Variants in AGBL1 observed in about 807,000 individuals in gnomAD.
The protein encoded by AGBL1 is AGBL carboxypeptidase 1.
AGBL1 carries 130 observed loss-of-function variants against 118.9 expected under a neutral mutation model. That is an observed-to-expected ratio of 1.09 (90% CI 0.95 to 1.26). The LOEUF is 1.26. Among genes scored for constraint, AGBL1 ranks in the 50% most tolerant of loss-of-function variants. The pLI, the probability that AGBL1 is intolerant of heterozygous loss-of-function variation, is 0.00. For missense variants in AGBL1, 1,584 were observed against 1,298.1 expected (o/e 1.22, Z -3.38); for synonymous variants, 555 against 478.9 (o/e 1.16, Z -2.08).
chr15:86,550,460 C>A (rs2083648938), intron 20 of AGBL1, among the ~76,000 whole-genome samples: 1 of 151,790 alleles, frequency 6.6e-6, no homozygotes, highest in African/African-American at 2.4e-5. Flanking sequence ...CAAATGGTAA[C>A]CATAATAAAG....
chr15:87,004,092 T>C (rs1397549514), intron 24 of AGBL1, among the ~76,000 whole-genome samples: 4 of 152,224 alleles, frequency 2.6e-5, no homozygotes, highest in Non-Finnish European at 5.9e-5. Flanking sequence ...TGCTTTCTCT[T>C]GTGGGCATTT....
At position 86,821,638 on chromosome 15, in the gene AGBL1, T is replaced by C. The variant is rs537553901; in HGVS notation, c.3159-85449T>C. On this transcript the variant is annotated intron_variant, in intron 22 of 22. Coordinates refer to ENST00000614907, the MANE Select transcript of AGBL1 (RefSeq NM_001386094.1). The stretch of plus-strand genomic sequence containing the variant: ...TTTATGTAATGGCCATAGATGTCAA[T>C]GGATAGTGTAAACATGCCAATAATG... Among the ~76,000 whole-genome samples the C allele has an allele frequency of 4.2e-3, 646 of 152,322 alleles. 6 individuals carry two copies. Among genetic ancestry groups the C allele is most frequent in the Non-Finnish European group, 7.1e-3 (480 of 68,030 alleles).
chr15:86,097,805 A>G (rs182336097), intron 1 of AGBL1, among the ~76,000 whole-genome samples: 4 of 152,160 alleles, frequency 2.6e-5, no homozygotes, highest in East Asian at 3.9e-4. Flanking sequence ...TCTTTGATAT[A>G]TAGATTTTCT....
chr15:86,526,571 TATAC>T lies in AGBL1; in HGVS notation c.2685+3634_2685+3637del, dbSNP rs1400942680. Among the ~76,000 whole-genome samples, 240 of 119,172 alleles carry T rather than the reference TATAC, an allele frequency of 2.0e-3. 1 individual carries two copies. In the Middle Eastern group the frequency reaches 0.023, roughly 11 times the overall value. The allele number at this position is 119,172 out of a possible 152,430, so 78.2% of individuals were successfully genotyped here. The stretch of plus-strand genomic sequence containing the variant: ...ATATATATATATATATATATATATA[TATAC>T]ACACAGAGTATATATATGTATATAG... On this transcript the variant is annotated intron_variant, in intron 19 of 22. Transcript: ENST00000614907.
intron 22 of AGBL1, among the ~76,000 whole-genome samples, chr15:86,891,383 G>T (rs79428316): frequency 2.0e-5 from 3 of 152,058 alleles, no homozygotes; most frequent in African/African-American, 7.2e-5. Flanking sequence ...TGAGTGAGAT[G>T]GTCCCATCTC....
chr15:86,296,059 T>A (rs12907586), intron 17 of AGBL1: 1 of 152,186 alleles, frequency 6.6e-6, no homozygotes, highest in Admixed American at 6.5e-5. Flanking sequence ...CACAAACATA[T>A]ACACAGATGT....
intron 1 of AGBL1, among the ~76,000 whole-genome samples, chr15:86,105,977 A>G (rs542852071): frequency 1.3e-5 from 2 of 152,214 alleles, no homozygotes; most frequent in African/African-American, 2.4e-5. Flanking sequence ...GTTTCTTCCA[A>G]TCACATCTGA....
intron 17 of AGBL1, among the ~76,000 whole-genome samples, chr15:86,370,003 T>TA (rs1351276555): frequency 6.6e-6 from 1 of 152,194 alleles, no homozygotes; most frequent in Non-Finnish European, 1.5e-5. Context: ...ATCAGCAATT[T>TA]AAAAAATCAA....
chr15:86,189,842 G>A (rs1161234818), intron 5 of AGBL1, among the ~76,000 whole-genome samples: 4 of 152,186 alleles, frequency 2.6e-5, no homozygotes, highest in South Asian at 4.1e-4. Context: ...ATGTAGAAGC[G>A]CAAATGCTTT....
chr15:86,686,930 G>A (rs1379732827), intron 22 of AGBL1, among the ~76,000 whole-genome samples: 3 of 152,106 alleles, frequency 2.0e-5, no homozygotes, highest in Non-Finnish European at 2.9e-5. Flanking sequence ...ATGAAGCTGG[G>A]TTTTGAACTC....
chr15:86,228,074 G>A (rs1349249870), intron 6 of AGBL1, among the ~76,000 whole-genome samples: 1 of 152,184 alleles, frequency 6.6e-6, no homozygotes, highest in Non-Finnish European at 1.5e-5. Flanking sequence ...GGCATGAAGG[G>A]TCTGGTTATA....
intron 21 of AGBL1, among the ~76,000 whole-genome samples, chr15:86,600,688 G>C (rs1008134258): frequency 1.4e-4 from 22 of 152,148 alleles, no homozygotes; most frequent in Admixed American, 1.4e-3. Context: ...AGCTGAATCA[G>C]AAAGAATCTG....
At chr15:86,695,919 G>C (rs575235437) in intron 22 of AGBL1, among the ~76,000 whole-genome samples, 14 of 150,196 alleles carry the variant, frequency 9.3e-5, no homozygotes, top group Admixed American at 1.3e-4. Flanking sequence ...GTTCCTTTTG[G>C]AGTTGATTTC....
At chr15:86,437,226 A>G (rs1199098501) in intron 18 of AGBL1, among the ~76,000 whole-genome samples, 1 of 152,212 alleles carries the variant, frequency 6.6e-6, no homozygotes, top group Non-Finnish European at 1.5e-5. Context: ...ATTCGATAGA[A>G]TTCTAAATAT....
At chr15:86,189,819 C>G (rs1187877822) in intron 5 of AGBL1, among the ~76,000 whole-genome samples, 1 of 152,154 alleles carries the variant, frequency 6.6e-6, no homozygotes, top group Non-Finnish European at 1.5e-5. Flanking sequence ...TAGCAACACA[C>G]AAATAGGCTA....
At chr15:86,347,296 G>A (rs2141893694) in intron 17 of AGBL1, among the ~76,000 whole-genome samples, 1 of 152,330 alleles carries the variant, frequency 6.6e-6, no homozygotes, top group South Asian at 2.1e-4. Context: ...ATGGTTACTA[G>A]AAAGTCCCAG....
chr15:86,794,157 T>C (rs1421439272), intron 22 of AGBL1, among the ~76,000 whole-genome samples: 2 of 152,180 alleles, frequency 1.3e-5, no homozygotes, highest in Non-Finnish European at 2.9e-5. Context: ...GAAATATTCA[T>C]AACAGTACTA....
chr15:86,142,238 T>C (rs2076973205), intron 2 of AGBL1, among the ~76,000 whole-genome samples, 171 bp downstream of exon 2: 1 of 152,224 alleles, frequency 6.6e-6, no homozygotes, highest in Non-Finnish European at 1.5e-5. Context: ...CCAAGTAACC[T>C]GGACTGTTTG....
chr15:86,265,486 A>T (rs753937057), intron 11 of AGBL1, among the ~76,000 whole-genome samples: 1 of 152,104 alleles, frequency 6.6e-6, no homozygotes, highest in South Asian at 2.1e-4. Context: ...AGAAAACATT[A>T]TTCTCCTTGA....
Sources: gnomAD v4.1 joint callset for allele counts (sites outside exome capture counted in the v4.1 genomes callset) on GRCh38, gnomAD v4.1.1 for gene constraint, MANE v1.5 for transcripts, NCBI Gene and HGNC (gene_info 2026-07-23, HGNC 2026-07-21) for gene names.